Variants in SORCS2 observed in about 807,000 individuals in gnomAD.
The protein encoded by SORCS2 is VPS10 domain-containing receptor SorCS2.
In SORCS2, 100 loss-of-function variants were observed where a neutral mutation model predicts 141.6. That is an observed-to-expected ratio of 0.71 (90% CI 0.60 to 0.83). The LOEUF (loss-of-function observed/expected upper bound fraction) is 0.83, where lower values mean the gene tolerates loss of function less well. SORCS2 is among the 40% of genes least tolerant of loss of function. The pLI is 0.00. For missense variants in SORCS2, 1,646 were observed against 1,560.2 expected (o/e 1.05, Z -0.93); for synonymous variants, 789 against 676.9 (o/e 1.17, Z -2.57).
chr4:7,461,617 C>T (rs1053312372), intron 2 of SORCS2, among the ~76,000 whole-genome samples: 7 of 152,296 alleles, frequency 4.6e-5, no homozygotes, highest in East Asian at 1.9e-4. Flanking sequence ...TTGCATGATC[C>T]GAGGAGCGTA....
intron 3 of SORCS2, among the ~76,000 whole-genome samples, chr4:7,604,430 G>T (rs1046287408): frequency 2.0e-5 from 3 of 152,212 alleles, no homozygotes; most frequent in African/African-American, 7.2e-5. Flanking sequence ...CCATTCTCCT[G>T]CCTCAGCCTC....
rs552307784 is a variant in SORCS2 at position 7,366,237 on chromosome 4, G to T, written c.481-30051G>T. 4.0e-5 allele frequency among the ~76,000 whole-genome samples: 6 copies of T among 151,052 alleles called. No individual in the cohort carries two copies. In the South Asian group the frequency reaches 1.3e-3, roughly 32 times the overall value. ...CCCTCTCTTCCCTTTCCTCCCTTCC[G>T]TCCTTCCCTTCCTCTCTCTCTCTCA... On this transcript the variant is annotated intron_variant, in intron 1 of 26. Coordinates refer to ENST00000507866, the MANE Select transcript of SORCS2 (RefSeq NM_020777.3).
chr4:7,360,381 C>A (rs1721508510), intron 1 of SORCS2, among the ~76,000 whole-genome samples: 1 of 152,000 alleles, frequency 6.6e-6, no homozygotes, highest in African/African-American at 2.4e-5. Context: ...GCTGTTCCTT[C>A]TGGGAGGTCC....
At position 7,248,445 on chromosome 4, in the gene SORCS2, A is replaced by T. The variant is rs141000870; in HGVS notation, c.480+55319A>T. On this transcript the variant is annotated intron_variant, in intron 1 of 26. Transcript: ENST00000507866. ...AACCTCTCTGGACCTCCAATTCCTC[A>T]TCTGTAATAAAGAAGATGATGACCT... Among the ~76,000 whole-genome samples the T allele has an allele frequency of 3.5e-4, 53 of 152,268 alleles. 1 individual carries two copies. In the East Asian group the frequency reaches 9.3e-3, roughly 27 times the overall value.
Position 7,680,180 on chromosome 4 carries a change from C to T in SORCS2, c.1342-2563C>T, listed in dbSNP as rs531133778. ...GACCACACAGCAAACGATGTGCAGC[C>T]ATTTGCTGGGTGTGCGGCTTGTCCG... On this transcript the variant is annotated intron_variant, in intron 9 of 26. Coordinates refer to ENST00000507866, the MANE Select transcript of SORCS2 (RefSeq NM_020777.3). 1.3e-5 allele frequency among the ~76,000 whole-genome samples: 2 copies of T among 152,338 alleles called. 1 individual carries two copies. Among genetic ancestry groups the T allele is most frequent in the East Asian group, 3.9e-4 (2 of 5,180 alleles).
chr4:7,519,382 A>T (rs1020637891), intron 2 of SORCS2, among the ~76,000 whole-genome samples: 2 of 152,234 alleles, frequency 1.3e-5, no homozygotes, highest in African/African-American at 4.8e-5. Flanking sequence ...GGAAGCCCAC[A>T]GCAGATGCAT....
intron 2 of SORCS2, among the ~76,000 whole-genome samples, chr4:7,486,451 C>T (rs937950467): frequency 2.6e-5 from 4 of 152,306 alleles, no homozygotes; most frequent in Admixed American, 6.5e-5. Context: ...GGCCTGAGTC[C>T]CGTGTCTTGC....
intron 1 of SORCS2, among the ~76,000 whole-genome samples, chr4:7,241,554 G>A (rs545680944): frequency 2.0e-5 from 3 of 152,278 alleles, no homozygotes; most frequent in East Asian, 3.9e-4. Flanking sequence ...GTGCATGGTT[G>A]TGATGGCGTC....
intron 2 of SORCS2, among the ~76,000 whole-genome samples, chr4:7,446,645 G>A (rs772856740): frequency 2.0e-5 from 3 of 152,144 alleles, no homozygotes; most frequent in African/African-American, 7.2e-5. Context: ...GTGGAATCCA[G>A]GCCTGGAGTT....
At chr4:7,197,489 G>A (rs1311722704) in intron 1 of SORCS2, among the ~76,000 whole-genome samples, 3 of 152,114 alleles carry the variant, frequency 2.0e-5, no homozygotes, top group Non-Finnish European at 2.9e-5. Context: ...ACCCTCCCCC[G>A]ATAATGCTGA....
At chr4:7,591,808 C>T (rs973590970) in intron 3 of SORCS2, among the ~76,000 whole-genome samples, 5 of 152,160 alleles carry the variant, frequency 3.3e-5, no homozygotes, top group Non-Finnish European at 7.4e-5. Context: ...GTCAGGGGTG[C>T]CCGCCGCACG....
chr4:7,678,161 G>T (rs112140086), intron 9 of SORCS2, among the ~76,000 whole-genome samples: 1,784 of 152,368 alleles, frequency 0.012, 38 homozygotes, highest in African/African-American at 0.04. Flanking sequence ...GGGGCCTGGA[G>T]ACACAGCACA....
intron 1 of SORCS2, among the ~76,000 whole-genome samples, chr4:7,299,045 C>A (rs547578847): frequency 2.0e-5 from 3 of 152,270 alleles, no homozygotes; most frequent in Non-Finnish European, 2.9e-5. Context: ...CCCGCCACCC[C>A]CTCTTGGGTC....
chr4:7,729,618 C>T lies in SORCS2; in HGVS notation c.3014C>T (p.Thr1005Ile), dbSNP rs1421640653. ...ETSVPQELLV[T>I]VVKPGLPTLA... Reference sequence around the variant, plus strand: ...AGCGTCCCTCAGGAGCTTCTGGTGACTGTGGTGAAGCCGGGGCTGCCCACT... The same window carrying T: ...AGCGTCCCTCAGGAGCTTCTGGTGATTGTGGTGAAGCCGGGGCTGCCCACT... Residue 1005 changes from threonine (T) to isoleucine (I), a missense_variant, in exon 23 of 27, where the codon ACT becomes ATT. Transcript: ENST00000507866. 1.3e-6 allele frequency: 2 copies of T among 1,592,438 alleles called. No homozygotes were observed. The highest frequency in any genetic ancestry group is 1.7e-6 in the Non-Finnish European group (2 of 1,169,688).
At chr4:7,602,589 C>G (rs1717791002) in intron 3 of SORCS2, among the ~76,000 whole-genome samples, 1 of 149,638 alleles carries the variant, frequency 6.7e-6, no homozygotes, top group East Asian at 2.0e-4. Flanking sequence ...CTCCTCACTT[C>G]CTTGACGGGA....
chr4:7,434,896 C>A, intron 2 of SORCS2: 1 of 1,532,876 alleles, frequency 6.5e-7, no homozygotes, highest in South Asian at 1.2e-5. Context: ...CAGGGACTCT[C>A]TGGCTCCAGA....
At chr4:7,275,371 G>A (rs1402885244) in intron 1 of SORCS2, among the ~76,000 whole-genome samples, 2 of 152,160 alleles carry the variant, frequency 1.3e-5, no homozygotes, top group Non-Finnish European at 2.9e-5. Context: ...ATAAACCTGA[G>A]CAATCAATTT....
chr4:7,535,792 C>T (rs907649816), intron 3 of SORCS2, among the ~76,000 whole-genome samples: 6 of 150,656 alleles, frequency 4.0e-5, no homozygotes, highest in African/African-American at 1.5e-4. Context: ...GAACAGAGGC[C>T]TCACCTGGTG....
intron 1 of SORCS2, among the ~76,000 whole-genome samples, chr4:7,303,902 G>C (rs1324991605): frequency 6.6e-6 from 1 of 152,270 alleles, no homozygotes; most frequent in Non-Finnish European, 1.5e-5. Context: ...AAGGATGGCA[G>C]GGGCCTGAGG....
Sources: allele counts gnomAD v4.1 joint callset (sites outside exome capture counted in the v4.1 genomes callset), GRCh38; gene constraint gnomAD v4.1.1; transcripts MANE v1.5; gene names NCBI Gene and HGNC (gene_info 2026-07-23, HGNC 2026-07-21).